The following EYS variants were observed in gnomAD, a reference collection of about 807,000 sequenced individuals.
EYS encodes protein eyes shut homolog.
EYS carries 250 observed loss-of-function variants against 282.1 expected under a neutral mutation model. That is an observed-to-expected ratio of 0.89 (90% confidence interval 0.80 to 0.98). The LOEUF (loss-of-function observed/expected upper bound fraction) is 0.98. EYS is among the 50% of genes least tolerant of loss of function. The pLI is 0.00. For missense variants in EYS, 4,016 were observed against 3,709.0 expected (o/e 1.08, Z -2.15); for synonymous variants, 1,355 against 1,282.9 (o/e 1.06, Z -1.20).
intron 12 of EYS, among the ~76,000 whole-genome samples, chr6:65,120,460 CAAAAA>C (rs67505285): frequency 2.3e-4 from 16 of 68,262 alleles, no homozygotes; most frequent in Admixed American, 3.6e-4. Context: ...TTTAAATAAG[CAAAAA>C]AAAAAAAAAA....
At chr6:63,909,145 A>G (rs911361453) in intron 35 of EYS, among the ~76,000 whole-genome samples, 1 of 152,196 alleles carries the variant, frequency 6.6e-6, no homozygotes, top group Non-Finnish European at 1.5e-5. Flanking sequence ...TCTGTAGGGC[A>G]GTGGTTCTGA....
intron 31 of EYS, among the ~76,000 whole-genome samples, chr6:64,130,414 G>A (rs1201729873): frequency 6.6e-6 from 1 of 152,086 alleles, no homozygotes; most frequent in Non-Finnish European, 1.5e-5. Context: ...CTCACTCATA[G>A]GTGAGAATTG....
intron 12 of EYS, among the ~76,000 whole-genome samples, chr6:65,181,340 T>C (rs1410612890): frequency 1.3e-5 from 2 of 151,928 alleles, no homozygotes; most frequent in Middle Eastern, 3.2e-3. Flanking sequence ...GAATCTACAA[T>C]GGACTCAAAC....
intron 12 of EYS, among the ~76,000 whole-genome samples, chr6:65,083,695 T>C (rs544021618): frequency 1.3e-5 from 2 of 152,002 alleles, no homozygotes; most frequent in Admixed American, 6.6e-5. Context: ...ACACTGAAAT[T>C]CATCAATGAG....
intron 29 of EYS, among the ~76,000 whole-genome samples, chr6:64,310,570 G>A (rs1056614309): frequency 1.3e-5 from 2 of 152,136 alleles, no homozygotes; most frequent in Non-Finnish European, 2.9e-5. Flanking sequence ...CATGCACTAG[G>A]TCTATTGCCT....
chr6:65,187,763 T>C (rs1254699061), intron 12 of EYS, among the ~76,000 whole-genome samples: 3 of 151,844 alleles, frequency 2.0e-5, no homozygotes, highest in South Asian at 2.1e-4. Context: ...TCATTCAAAC[T>C]TGAGAAAAAG....
rs151151829 is a variant in EYS at position 65,625,448 on chromosome 6, T to C, written c.-333+14330A>G. On this transcript the variant is annotated intron_variant, in intron 2 of 42. Transcript: ENST00000503581. ...TGGAGGATTCAGATAATTACAAATT[T>C]ATCCAGCTTTCATTTGCTTACTTTT... 2.0e-5 allele frequency among the ~76,000 whole-genome samples: 3 copies of C among 152,332 alleles called. No homozygotes were observed. The East Asian group carries it at 5.8e-4, about 29-fold the overall frequency.
chr6:64,020,359 C>T (rs1023740439), intron 33 of EYS, among the ~76,000 whole-genome samples: 2 of 151,994 alleles, frequency 1.3e-5, no homozygotes, highest in Non-Finnish European at 2.9e-5. Flanking sequence ...TATCATAAAA[C>T]CTTTTCCTTT....
intron 22 of EYS, among the ~76,000 whole-genome samples, chr6:64,732,041 C>T (rs1005309510): frequency 4.6e-5 from 7 of 152,086 alleles, no homozygotes; most frequent in Non-Finnish European, 7.3e-5. Flanking sequence ...AACCATCAAT[C>T]TCAGCAAACT....
intron 21 of EYS, among the ~76,000 whole-genome samples, chr6:64,819,377 A>G (rs1238505031): frequency 6.6e-6 from 1 of 152,138 alleles, no homozygotes; most frequent in East Asian, 1.9e-4. Flanking sequence ...TTAAACTATA[A>G]CAATTATTCT....
intron 12 of EYS, among the ~76,000 whole-genome samples, chr6:65,171,732 G>C (rs1765110219): frequency 6.6e-6 from 1 of 151,334 alleles, no homozygotes; most frequent in Non-Finnish European, 1.5e-5. Context: ...TCATTCTACA[G>C]GAAAGATAAA....
intron 30 of EYS, among the ~76,000 whole-genome samples, chr6:64,303,690 A>C (rs7739628): frequency 0.067 from 10,102 of 150,878 alleles, 941 homozygotes; most frequent in African/African-American, 0.21. Context: ...AAAATACAAA[A>C]ATTAGCCGGG....
chr6:65,492,272 C>T (rs1166107896), intron 4 of EYS, among the ~76,000 whole-genome samples: 3 of 149,294 alleles, frequency 2.0e-5, no homozygotes, highest in Non-Finnish European at 4.4e-5. Flanking sequence ...CAAAGCTTAA[C>T]GATTTAAAGC....
At chr6:64,715,976 T>C (rs78777932) in intron 22 of EYS, among the ~76,000 whole-genome samples, 7,143 of 152,238 alleles carry the variant, frequency 0.047, 233 homozygotes, top group East Asian at 0.18. Flanking sequence ...TGGCCAGTGA[T>C]CTACCTTTAG....
At chr6:65,115,940 ATGTCTGTC>A (rs56699664) in intron 12 of EYS, among the ~76,000 whole-genome samples, 33 of 117,564 alleles carry the variant, frequency 2.8e-4, no homozygotes, top group African/African-American at 9.9e-4. Context: ...TGAAATAACT[ATGTCTGTC>A]TGTCTGTCTG....
intron 34 of EYS, among the ~76,000 whole-genome samples, chr6:63,989,397 T>G (rs1278207525): frequency 6.6e-6 from 1 of 151,648 alleles, no homozygotes; most frequent in Non-Finnish European, 1.5e-5. Context: ...AAAAATTGTT[T>G]AAGGGAAATA....
intron 18 of EYS, among the ~76,000 whole-genome samples, chr6:64,899,320 A>G (rs1767574567): frequency 6.6e-6 from 1 of 152,168 alleles, no homozygotes; most frequent in South Asian, 2.1e-4. Context: ...ACACAACTAC[A>G]TGGAAACTGA....
chr6:65,045,406 T>G (rs1237486891), intron 13 of EYS, among the ~76,000 whole-genome samples: 1 of 151,856 alleles, frequency 6.6e-6, no homozygotes, highest in African/African-American at 2.4e-5. Context: ...GCCCCGAATT[T>G]TTATGTTGAA....
intron 14 of EYS, among the ~76,000 whole-genome samples, chr6:64,955,880 C>T (rs1446155311): frequency 1.3e-5 from 2 of 152,156 alleles, no homozygotes; most frequent in Admixed American, 1.3e-4. Flanking sequence ...CCTCTCACTG[C>T]TAATAATTTT....
Sources: allele counts gnomAD v4.1 joint callset (sites outside exome capture counted in the v4.1 genomes callset), GRCh38; gene constraint gnomAD v4.1.1; transcripts MANE v1.5; gene names NCBI Gene and HGNC (gene_info 2026-07-23, HGNC 2026-07-21).